The following TTN variants were observed in gnomAD, a reference collection of about 807,000 sequenced individuals.
The protein encoded by TTN is titin.
TTN carries 1,525 observed loss-of-function variants against 3,223.0 expected under a neutral mutation model. The observed-to-expected ratio is 0.47, with a 90% CI of 0.45 to 0.49. The LOEUF (loss-of-function observed/expected upper bound fraction) is 0.49, where lower values mean the gene tolerates loss of function less well. TTN is among the 20% of genes least tolerant of loss of function. The pLI, the probability that TTN is intolerant of heterozygous loss-of-function variation, is 0.00. For synonymous variants in TTN, 14,094 were observed against 15,161.0 expected, an observed-to-expected ratio of 0.93 and a Z score of 5.17; for missense variants, 40,786 against 43,424.0, an observed-to-expected ratio of 0.94 and a Z score of 5.40.
chr2:178,721,335 T>G, intron 78 of TTN, 133 bp from the exon 79 acceptor site: 1 of 786,292 alleles, frequency 1.3e-6, no homozygotes, highest in Admixed American at 4.2e-5. Context: ...TCTGAGGATT[T>G]TACAGTAAAA....
intron 207 of TTN, 45 bp from the exon 208 acceptor site, chr2:178,651,365 A>T: frequency 6.2e-7 from 1 of 1,607,514 alleles, no homozygotes; most frequent in Non-Finnish European, 8.5e-7. Context: ...ATCACCAGTA[A>T]ACATTCATCA....
At chr2:178,713,474 C>G (rs929638673) in intron 92 of TTN, 102 bp from the exon 93 acceptor site, 133 of 1,426,392 alleles carry the variant, frequency 9.3e-5, no homozygotes, top group Non-Finnish European at 1.2e-4. Context: ...GATGGACTAT[C>G]CCTAGATCCA....
rs2154262004 is a variant in TTN, at chr2:178,667,526, C to G, written c.35630-1G>C. 1 of 1,596,300 alleles carries G rather than the reference C, an allele frequency of 6.3e-7. No homozygotes were observed. Among genetic ancestry groups the G allele is most frequent in the Non-Finnish European group, 8.5e-7 (1 of 1,178,722 alleles). On this transcript the variant is annotated splice_acceptor_variant, in intron 160 of 362. Transcript: ENST00000589042. LOFTEE classifies it high-confidence loss of function. ...ACAACTTTCTTGGGTGGCTCAGGCA[C>G]TTAAAAGATATGAGTATAGTTATAT... is the stretch of plus-strand genomic sequence containing the variant.
chr2:178,797,883 T>C (rs1267655757), intron 6 of TTN, among the ~76,000 whole-genome samples: 3 of 152,146 alleles, frequency 2.0e-5, no homozygotes, highest in African/African-American at 7.2e-5. Flanking sequence ...TCTTTTTTTT[T>C]CATTTTTTAA....
intron 163 of TTN, 64 bp downstream of exon 163, chr2:178,666,760 T>G (rs2065994353): frequency 7.2e-7 from 1 of 1,381,454 alleles, no homozygotes; most frequent in Non-Finnish European, 9.8e-7. Flanking sequence ...TATTAGTATT[T>G]TTACATGTGT....
In TTN at chr2:178,591,494, G is replaced by C; in HGVS notation, c.60231C>G (p.Ser20077=). 1 of 1,584,356 alleles carries C rather than the reference G, an allele frequency of 6.3e-7. No individual in the cohort carries two copies. Among genetic ancestry groups the C allele is most frequent in the South Asian group, 1.2e-5 (1 of 85,126 alleles). ...CAATTAATTTCACATCTAGCTCCAC[G>C]GATGGAGGCACTGAAAAGTAAACAT... The part of the protein sequence containing the change: ...IECQEKLVPP[S]VELDVKLIEG... The change falls in exon 304 of 363, where the codon TCC becomes TCG. Residue 20077 remains serine (S), a synonymous_variant. Transcript: ENST00000589042.
At position 178,592,150 on chromosome 2, in the gene TTN, A is replaced by G; in HGVS notation, c.59754T>C (p.Asp19918=). ...GAGGTGACCACTGGGCGCTGGCAAC[A>G]TCTCTCCTCTCAACCACATAATTGG... ...VITNYVVERR[D]VASAQWSPLS... The change falls in exon 302 of 363, where the codon GAT becomes GAC. Residue 19918 remains aspartate (D), a synonymous_variant. Coordinates refer to ENST00000589042, the MANE Select transcript of TTN (RefSeq NM_001267550.2). 6.2e-7 allele frequency: 1 copy of G among 1,612,904 alleles called. No homozygotes were observed. Among genetic ancestry groups the G allele is most frequent in the Non-Finnish European group, 8.5e-7 (1 of 1,179,470 alleles).
In TTN at chr2:178,727,190, T is replaced by C. The variant is rs146627500; in HGVS notation, c.20175A>G (p.Ile6725Met). 2.2e-3 allele frequency: 3,503 copies of C among 1,613,298 alleles called. 52 individuals are homozygous for C. The highest frequency in any genetic ancestry group is 0.021 in the South Asian group (1,924 of 91,026). ...CCTCAGTACTGAGATTGTTCATCTG[T>C]ATGACGGCCACTGAGTCAATGAAAG... ...RMTFIDSVAV[I>M]QMNNLSTEDS... is the part of the protein sequence containing the mutation. Residue 6725 changes from isoleucine to methionine, a missense_variant, in exon 69 of 363, where the codon ATA (isoleucine) becomes ATG (methionine). Physicochemically the swap from Ile to Met is conservative, Grantham distance 10 (BLOSUM62 1). Transcript: ENST00000589042.
chr2:178,636,095 T>C lies in TTN; in HGVS notation c.41476A>G (p.Ile13826Val). ...GKIVVEKPGR[I>V]VPGVIGLMRA... ...ATCAAGCCAATGACGCCTGGCACAA[T>C]TCGGCCAGGTTTCTCCACCACAATC... Residue 13826 changes from isoleucine to valine, a missense_variant, in exon 226 of 363, where the codon ATT (isoleucine) becomes GTT (valine). Coordinates refer to ENST00000589042, the MANE Select transcript of TTN (RefSeq NM_001267550.2). The surrounding 1 kb of genome is among the most constrained non-coding windows in gnomAD (Gnocchi z 4.3). 6.2e-7 allele frequency: 1 copy of C among 1,613,230 alleles called. No individual in the cohort carries two copies. Among genetic ancestry groups the C allele is most frequent in the Non-Finnish European group, 8.5e-7 (1 of 1,179,510 alleles).
chr2:178,600,030 G>A (rs2052881609), intron 288 of TTN, among the ~76,000 whole-genome samples, 180 bp from the exon 289 acceptor site: 1 of 151,810 alleles, frequency 6.6e-6, no homozygotes, highest in African/African-American at 2.4e-5. Context: ...AGGTACACGG[G>A]GTCAGCATCT....
chr2:178,773,005 G>T (rs1349457580), intron 33 of TTN, 104 bp downstream of exon 33: 17 of 1,450,218 alleles, frequency 1.2e-5, no homozygotes, highest in Middle Eastern at 2.2e-4. Context: ...CATAAGCAGA[G>T]GCATGGAAGT....
rs764207273 is a variant in TTN, at chr2:178,549,777, A to C, written c.91945T>G (p.Cys30649Gly). ...LWWDAPLNDG[C>G]APITHYIIEK... Reference sequence around the variant, plus strand: ...ATGATGTAGTGGGTTATGGGAGCACAACCGTCATTGAGTGGGGCATCCCAC... The same window carrying C: ...ATGATGTAGTGGGTTATGGGAGCACCACCGTCATTGAGTGGGGCATCCCAC... The change falls in exon 338 of 363, where the codon TGT becomes GGT. Residue 30649 changes from cysteine to glycine, a missense_variant. Coordinates refer to ENST00000589042, the MANE Select transcript of TTN (RefSeq NM_001267550.2). 1 of 1,612,854 alleles carries C rather than the reference A, an allele frequency of 6.2e-7. No homozygotes were observed. The highest frequency in any genetic ancestry group is 1.7e-5 in the Admixed American group (1 of 59,974).
chr2:178,637,911 C>T (rs1423666874), intron 223 of TTN, among the ~76,000 whole-genome samples: 1 of 151,996 alleles, frequency 6.6e-6, no homozygotes, highest in African/African-American at 2.4e-5. Context: ...CCATGTACCA[C>T]ACATGCATGA....
rs2154145943 is a variant in TTN, at chr2:178,546,518, AC to A, written c.94829-17del. On this transcript the variant is annotated splice_polypyrimidine_tract_variant and intron_variant, in intron 341 of 362. Coordinates refer to ENST00000589042, the MANE Select transcript of TTN (RefSeq NM_001267550.2). ...TTGGGTGGAGCTGTCAGTAGGCAAAACAGATATGAATGAATATCTGAGAGTT... is the reference window on the plus strand; with the variant it reads ...TTGGGTGGAGCTGTCAGTAGGCAAAAAGATATGAATGAATATCTGAGAGTT... 6.2e-7 allele frequency: 1 copy of A among 1,605,440 alleles called. No homozygotes were observed. The highest frequency in any genetic ancestry group is 8.5e-7 in the Non-Finnish European group (1 of 1,174,454).
Position 178,600,890 on chromosome 2 carries a change from C to A in TTN, c.56014G>T (p.Ala18672Ser). Residue 18672 changes from alanine (A) to serine (S), a missense_variant, in exon 288 of 363, where the codon GCC (alanine) becomes TCC (serine). By Grantham distance (99) the Ala-to-Ser change is moderately conservative. Transcript: ENST00000589042. ...VNAAGVSKPS[A>S]TVGPVTVKDQ... ...TTGACAGTCACAGGGCCAACAGTGG[C>A]TGAAGGCTTGCTGACTCCTGCAGCA... 6.2e-7 allele frequency: 1 copy of A among 1,612,888 alleles called. No homozygotes were observed. Among genetic ancestry groups the A allele is most frequent in the South Asian group, 1.1e-5 (1 of 91,030 alleles).
chr2:178,737,715 T>A (rs764398818), intron 49 of TTN, among the ~76,000 whole-genome samples: 11 of 152,202 alleles, frequency 7.2e-5, no homozygotes, highest in Non-Finnish European at 1.6e-4. Context: ...CTTTTTTAAG[T>A]TTGTAATTCT....
intron 361 of TTN, 106 bp downstream of exon 361, chr2:178,528,168 A>G: frequency 7.7e-7 from 1 of 1,302,536 alleles, no homozygotes; most frequent in Non-Finnish European, 1.0e-6. Context: ...CCTCTTTCAC[A>G]TGGAATTTAA....
chr2:178,559,551 A>C lies in TTN; in HGVS notation c.86581T>G (p.Ser28861Ala), dbSNP rs772173518. 34 of 1,613,428 alleles carry C rather than the reference A, an allele frequency of 2.1e-5. No homozygotes were observed. Among genetic ancestry groups the C allele is most frequent in the Admixed American group, 1.7e-5 (1 of 59,964 alleles). Residue 28861 changes from serine (S) to alanine (A), a missense_variant, in exon 326 of 363, where the codon TCT (serine) becomes GCT (alanine). Ser to Ala is a moderately conservative substitution (Grantham distance 99). Transcript: ENST00000589042. ...NITVQDVTKE[S>A]AVLSWDVPEN... Reference sequence around the variant, plus strand: ...GGAACATCCCAGGATAACACTGCAGACTCTTTGGTTACATCTTGCACAGTA... The same window carrying C: ...GGAACATCCCAGGATAACACTGCAGCCTCTTTGGTTACATCTTGCACAGTA...
At position 178,624,607 on chromosome 2, in the gene TTN, TTC is replaced by T. The variant is rs1211165277; in HGVS notation, c.44671_44672del (p.Glu14891AsnfsTer8). On this transcript the variant is annotated frameshift_variant, in exon 242 of 363. Transcript: ENST00000589042. LOFTEE classifies it high-confidence loss of function. The stretch of plus-strand genomic sequence containing the variant: ...TTTCATACTTCTTGCTTTTGAGGAT[TTC>T]TGTCCCATTTTTGAACCATTTCACC... ...AKVKWFKNGTEILKSKKYEIV... is the reference protein window; with the variant it reads ...AKVKWFKNGTXILKSKKYEIV... 1 of 1,612,552 alleles carries T rather than the reference TTC, an allele frequency of 6.2e-7. No homozygotes were observed. Among genetic ancestry groups the T allele is most frequent in the African/African-American group, 1.3e-5 (1 of 74,842 alleles).
Sources: gnomAD v4.1 joint callset for allele counts (sites outside exome capture counted in the v4.1 genomes callset) on GRCh38, gnomAD v4.1.1 for gene constraint, Gnocchi (gnomAD v3.1) non-coding constraint, MANE v1.5 for transcripts, NCBI Gene and HGNC (gene_info 2026-07-23, HGNC 2026-07-21) for gene names.